Variants in TOX observed in about 807,000 individuals in gnomAD.
The protein encoded by TOX is thymocyte selection associated high mobility group box, also known as thymocyte selection-associated high mobility group box protein TOX.
In TOX, 11 loss-of-function variants were observed where a neutral mutation model predicts 53.7. That is an observed-to-expected ratio of 0.20 (90% confidence interval 0.13 to 0.34). TOX has a LOEUF of 0.34. Among genes scored for constraint, TOX ranks in the 10% least tolerant of loss-of-function variants. The pLI is 1.00. For missense variants in TOX, 570 were observed against 664.6 expected (o/e 0.86, Z 1.56); for synonymous variants, 225 against 245.3 (o/e 0.92, Z 0.77).
chr8:59,059,157 T>C (rs939125170), intron 1 of TOX, among the ~76,000 whole-genome samples: 1 of 152,206 alleles, frequency 6.6e-6, no homozygotes, highest in Non-Finnish European at 1.5e-5. Flanking sequence ...GCCTAACTAG[T>C]GAAGTAAGAG....
intron 7 of TOX, among the ~76,000 whole-genome samples, chr8:58,810,405 A>G (rs1453027830): frequency 6.6e-6 from 1 of 152,148 alleles, no homozygotes; most frequent in Non-Finnish European, 1.5e-5. Flanking sequence ...CAATGGCACC[A>G]TCTCGGCTCA....
chr8:58,970,231 C>T (rs377225056), intron 1 of TOX, among the ~76,000 whole-genome samples: 1 of 152,050 alleles, frequency 6.6e-6, no homozygotes, highest in South Asian at 2.1e-4. Flanking sequence ...TAAATATTTC[C>T]GACATCACTC....
At chr8:58,929,270 T>G (rs1157778496) in intron 3 of TOX, among the ~76,000 whole-genome samples, 3 of 152,166 alleles carry the variant, frequency 2.0e-5, no homozygotes, top group Non-Finnish European at 4.4e-5. Context: ...TTTCATATTT[T>G]AAGTTATTTA....
intron 3 of TOX, among the ~76,000 whole-genome samples, chr8:58,869,323 T>G (rs2726553): frequency 0.14 from 21,602 of 151,508 alleles, 1,594 homozygotes; most frequent in Middle Eastern, 0.22. Flanking sequence ...TTCCTTAAAA[T>G]TCAACAACTA....
chr8:59,026,847 C>T (rs1430964379), intron 1 of TOX, among the ~76,000 whole-genome samples: 1 of 142,948 alleles, frequency 7.0e-6, no homozygotes, highest in East Asian at 2.1e-4. Flanking sequence ...TTCATAAGAG[C>T]ATGAGACAAT....
chr8:58,959,556 A>G (rs1415911317), intron 2 of TOX, among the ~76,000 whole-genome samples: 2 of 152,216 alleles, frequency 1.3e-5, no homozygotes, highest in Admixed American at 1.3e-4. Context: ...TTTGTTGAAA[A>G]TGGCCCCAAC....
At chr8:59,114,717 C>T (rs1286413140) in intron 1 of TOX, among the ~76,000 whole-genome samples, 1 of 152,164 alleles carries the variant, frequency 6.6e-6, no homozygotes, top group African/African-American at 2.4e-5. Flanking sequence ...CCTTGACCTA[C>T]TCTTCCTCCC....
chr8:58,809,317 T>TA (rs759862204), intron 7 of TOX, among the ~76,000 whole-genome samples: 10 of 152,224 alleles, frequency 6.6e-5, no homozygotes, highest in Non-Finnish European at 5.9e-5. Context: ...TTTTCACTTT[T>TA]AAAGAACTCA....
At chr8:59,068,168 T>C (rs1176243187) in intron 1 of TOX, among the ~76,000 whole-genome samples, 1 of 152,202 alleles carries the variant, frequency 6.6e-6, no homozygotes, top group African/African-American at 2.4e-5. Flanking sequence ...TTCCTGAAGA[T>C]CCTTGTATTT....
chr8:58,942,559 A>C (rs1812460199), intron 2 of TOX, among the ~76,000 whole-genome samples: 1 of 152,174 alleles, frequency 6.6e-6, no homozygotes, highest in Non-Finnish European at 1.5e-5. Flanking sequence ...TAATTGTATA[A>C]ATGCCAAAAT....
chr8:58,845,941 C>T (rs1810712639), intron 4 of TOX, among the ~76,000 whole-genome samples: 1 of 152,000 alleles, frequency 6.6e-6, no homozygotes, highest in African/African-American at 2.4e-5. Context: ...ACTTCTTATT[C>T]TTTTGGATTG....
intron 1 of TOX, among the ~76,000 whole-genome samples, chr8:59,046,006 C>G (rs1803675168): frequency 6.6e-6 from 1 of 152,306 alleles, no homozygotes; most frequent in African/African-American, 2.4e-5. Context: ...CCTGCAATCA[C>G]AAATAGTGCC....
chr8:58,983,796 A>G (rs1367273722), intron 1 of TOX, among the ~76,000 whole-genome samples: 4 of 152,216 alleles, frequency 2.6e-5, no homozygotes, highest in Non-Finnish European at 5.9e-5. Context: ...TAAGCCCAAC[A>G]CTGTAGTGCA....
At chr8:58,925,256 T>C (rs16924236) in intron 3 of TOX, among the ~76,000 whole-genome samples, 1,978 of 152,336 alleles carry the variant, frequency 0.013, 57 homozygotes, top group African/African-American at 0.046. Context: ...TTGCAAATCA[T>C]GTCAGTTACA....
chr8:58,957,475 T>C (rs554859799), intron 2 of TOX, among the ~76,000 whole-genome samples: 1 of 152,340 alleles, frequency 6.6e-6, no homozygotes. Flanking sequence ...AGGTAGAGAA[T>C]GCATGCAGTA....
chr8:59,071,714 T>C (rs1804200087), intron 1 of TOX, among the ~76,000 whole-genome samples: 1 of 152,172 alleles, frequency 6.6e-6, no homozygotes, highest in South Asian at 2.1e-4. Context: ...GGTAAGTAGA[T>C]TTTGACTGAA....
chr8:59,079,473 A>G (rs529094699), intron 1 of TOX, among the ~76,000 whole-genome samples: 1 of 152,288 alleles, frequency 6.6e-6, no homozygotes, highest in South Asian at 2.1e-4. Context: ...AGGCCACTCC[A>G]GACTCCAGCC....
At chr8:59,054,644 C>T (rs749459812) in intron 1 of TOX, among the ~76,000 whole-genome samples, 24 of 151,766 alleles carry the variant, frequency 1.6e-4, no homozygotes, top group East Asian at 5.8e-4. Context: ...TATTAAAGGC[C>T]GACTCGTTAC....
chr8:58,942,630 A>G (rs1337943091), intron 2 of TOX, among the ~76,000 whole-genome samples: 2 of 152,198 alleles, frequency 1.3e-5, no homozygotes, highest in Non-Finnish European at 2.9e-5. Context: ...TTAATGTGGA[A>G]ATGAATTTGC....
Sources: allele counts gnomAD v4.1 joint callset (sites outside exome capture counted in the v4.1 genomes callset), GRCh38; gene constraint gnomAD v4.1.1; transcripts MANE v1.5; gene names NCBI Gene and HGNC (gene_info 2026-07-23, HGNC 2026-07-21).